Variants in GPR39 observed in about 807,000 individuals in gnomAD.
The protein encoded by GPR39 is zinc sensing receptor.
A neutral mutation model predicts 18.4 loss-of-function variants in GPR39; 23 were observed. The observed-to-expected ratio is 1.25, with a 90% CI of 0.90 to 1.77. The LOEUF (loss-of-function observed/expected upper bound fraction) is 1.77, where lower values mean the gene tolerates loss of function less well. Among genes scored for constraint, GPR39 ranks in the 40% most tolerant of loss-of-function variants. GPR39 has a pLI of 0.00. For synonymous variants in GPR39, 280 were observed against 257.9 expected (o/e 1.09, Z -0.82); for missense variants, 647 against 602.4 (o/e 1.07, Z -0.78).
At chr2:132,550,687 CAG>C (rs1680027116) in intron 1 of GPR39, among the ~76,000 whole-genome samples, 1 of 152,156 alleles carries the variant, frequency 6.6e-6, no homozygotes, top group African/African-American at 2.4e-5. Context: ...AGGAGTTATC[CAG>C]TCTAACTTCA....
chr2:132,623,500 G>A (rs189767075), intron 1 of GPR39, among the ~76,000 whole-genome samples: 18 of 152,330 alleles, frequency 1.2e-4, no homozygotes, highest in Admixed American at 2.6e-4. Context: ...TAAAGTTAAA[G>A]CTTATAAAAG....
intron 1 of GPR39, among the ~76,000 whole-genome samples, chr2:132,438,057 G>A (rs1680363069): frequency 6.6e-6 from 1 of 152,208 alleles, no homozygotes; most frequent in Admixed American, 6.5e-5. Context: ...TAAACATTGG[G>A]GTTTCAGGGA....
intron 1 of GPR39, among the ~76,000 whole-genome samples, chr2:132,584,986 C>A (rs192964321): frequency 7.9e-5 from 12 of 152,278 alleles, no homozygotes; most frequent in African/African-American, 2.6e-4. Flanking sequence ...GGCTCTCCTG[C>A]CCCCCACCAT....
chr2:132,464,177 A>G (rs949594578), intron 1 of GPR39, among the ~76,000 whole-genome samples: 3 of 152,230 alleles, frequency 2.0e-5, no homozygotes, highest in African/African-American at 7.2e-5. Context: ...GAAGTATCAC[A>G]TGAGCTTATC....
At chr2:132,636,430 A>AAG (rs1213977607) in intron 1 of GPR39, among the ~76,000 whole-genome samples, 1 of 152,098 alleles carries the variant, frequency 6.6e-6, no homozygotes, top group African/African-American at 2.4e-5. Flanking sequence ...GACAGTGGGG[A>AAG]AGCAGGGTCT....
At chr2:132,569,719 G>A (rs1334208012) in intron 1 of GPR39, among the ~76,000 whole-genome samples, 1 of 152,044 alleles carries the variant, frequency 6.6e-6, no homozygotes, top group Non-Finnish European at 1.5e-5. Context: ...ATCTCATCTT[G>A]TAGCTCCCAT....
chr2:132,550,322 G>A (rs983333701), intron 1 of GPR39, among the ~76,000 whole-genome samples: 7 of 152,196 alleles, frequency 4.6e-5, no homozygotes, highest in South Asian at 2.1e-4. Flanking sequence ...TCCCCCCAGG[G>A]CTCAGCAGTT....
At chr2:132,614,955 G>T (rs541183532) in intron 1 of GPR39, among the ~76,000 whole-genome samples, 6 of 152,242 alleles carry the variant, frequency 3.9e-5, no homozygotes, top group African/African-American at 1.2e-4. Flanking sequence ...AACCTTCTTT[G>T]TCTGTCTTTT....
intron 1 of GPR39, among the ~76,000 whole-genome samples, chr2:132,535,913 C>A (rs1679749239): frequency 6.7e-6 from 1 of 150,314 alleles, no homozygotes; most frequent in Admixed American, 6.6e-5. Context: ...GTGGTGCTAT[C>A]CCCTTTATTG....
At chr2:132,513,765 G>A (rs545944070) in intron 1 of GPR39, among the ~76,000 whole-genome samples, 11 of 152,274 alleles carry the variant, frequency 7.2e-5, no homozygotes, top group Non-Finnish European at 1.5e-4. Flanking sequence ...GAGTGGGAGT[G>A]CAGTGGTGCA....
At chr2:132,543,755 C>T (rs1360413323) in intron 1 of GPR39, among the ~76,000 whole-genome samples, 1 of 152,120 alleles carries the variant, frequency 6.6e-6, no homozygotes, top group Non-Finnish European at 1.5e-5. Flanking sequence ...CTGGGGTCTC[C>T]TCACCCAGCT....
intron 1 of GPR39, among the ~76,000 whole-genome samples, chr2:132,631,970 G>GCACCA (rs1158420817): frequency 6.6e-6 from 1 of 151,970 alleles, no homozygotes; most frequent in Non-Finnish European, 1.5e-5. Context: ...TTACAGGCAT[G>GCACCA]CACCACCATG....
chr2:132,536,264 C>A (rs773763935), intron 1 of GPR39, among the ~76,000 whole-genome samples: 6 of 152,130 alleles, frequency 3.9e-5, no homozygotes, highest in Non-Finnish European at 7.4e-5. Context: ...GATTCTGATA[C>A]ATTGTCTCTT....
In GPR39 at chr2:132,646,213, G is replaced by A; in HGVS notation, c.*607G>A. On this transcript the variant is annotated 3_prime_UTR_variant, in exon 2 of 2. Coordinates refer to ENST00000329321, the MANE Select transcript of GPR39 (RefSeq NM_001508.3). ...AGTTCAGTTTCCCTGGGGAGCAGAA[G>A]GACTGGTACCCGGCAGAGGCGATGA... The A allele has an allele frequency of 2.5e-6, 4 of 1,604,902 alleles. No individual in the cohort carries two copies. The highest frequency in any genetic ancestry group is 2.6e-6 in the Non-Finnish European group (3 of 1,174,784).
chr2:132,613,797 TC>T (rs1301757043), intron 1 of GPR39, among the ~76,000 whole-genome samples: 1 of 152,234 alleles, frequency 6.6e-6, no homozygotes, highest in Non-Finnish European at 1.5e-5. Context: ...CACAAACTTT[TC>T]CACTAGTGTC....
chr2:132,633,436 T>C (rs1681688353), intron 1 of GPR39, among the ~76,000 whole-genome samples: 1 of 151,104 alleles, frequency 6.6e-6, no homozygotes, highest in Admixed American at 6.6e-5. Context: ...TTCCAGGTAG[T>C]GGAAAAGAAC....
At chr2:132,625,743 G>A (rs945768304) in intron 1 of GPR39, among the ~76,000 whole-genome samples, 2 of 152,106 alleles carry the variant, frequency 1.3e-5, no homozygotes, top group Non-Finnish European at 2.9e-5. Context: ...ATATGTCTGT[G>A]ATCATCTGCC....
At chr2:132,477,094 T>G (rs1001436776) in intron 1 of GPR39, among the ~76,000 whole-genome samples, 1 of 152,240 alleles carries the variant, frequency 6.6e-6, no homozygotes, top group African/African-American at 2.4e-5. Flanking sequence ...CCATCTGTTT[T>G]TACATGGACC....
At chr2:132,565,430 AG>A (rs2104807755) in intron 1 of GPR39, among the ~76,000 whole-genome samples, 1 of 142,448 alleles carries the variant, frequency 7.0e-6, no homozygotes, top group East Asian at 2.0e-4. Flanking sequence ...TTTAAGTTTT[AG>A]GGTACATGTG....
Sources: allele counts gnomAD v4.1 joint callset (sites outside exome capture counted in the v4.1 genomes callset), GRCh38; gene constraint gnomAD v4.1.1; transcripts MANE v1.5; gene names NCBI Gene and HGNC (gene_info 2026-07-23, HGNC 2026-07-21).